FGF14: variants seen among roughly 807,000 people sequenced by gnomAD.
The protein encoded by FGF14 is fibroblast growth factor homologous factor 4.
In FGF14, 5 loss-of-function variants were observed where a neutral mutation model predicts 25.5. That is an observed-to-expected ratio of 0.20 (90% confidence interval 0.10 to 0.41). The LOEUF (loss-of-function observed/expected upper bound fraction) is 0.41, where lower values mean the gene tolerates loss of function less well. FGF14 is among the 10% of genes least tolerant of loss of function. The pLI is 1.00. For synonymous variants in FGF14, 138 were observed against 118.3 expected (o/e 1.17, Z -1.08); for missense variants, 222 against 320.1 (o/e 0.69, Z 2.34).
intron 1 of FGF14, among the ~76,000 whole-genome samples, chr13:102,180,253 T>A (rs1305899294): frequency 1.3e-5 from 2 of 152,180 alleles, no homozygotes; most frequent in Non-Finnish European, 2.9e-5. Flanking sequence ...GTCATTTCCA[T>A]GCTATAATTC....
chr13:101,981,293 T>A (rs2038245958), intron 1 of FGF14, among the ~76,000 whole-genome samples: 1 of 151,710 alleles, frequency 6.6e-6, no homozygotes, highest in African/African-American at 2.4e-5. Flanking sequence ...AAAATAAAAA[T>A]AAAAGAGGCC....
intron 2 of FGF14, among the ~76,000 whole-genome samples, chr13:101,874,613 T>A (rs2045291699): frequency 6.6e-6 from 1 of 152,106 alleles, no homozygotes; most frequent in Non-Finnish European, 1.5e-5. Context: ...ATGTGTAGCT[T>A]TTTAATTAAA....
chr13:102,139,598 G>A (rs189029928), intron 1 of FGF14, among the ~76,000 whole-genome samples: 3 of 152,050 alleles, frequency 2.0e-5, no homozygotes, highest in Non-Finnish European at 2.9e-5. Context: ...TGCTGTGGAG[G>A]GGGGGATGGC....
chr13:102,386,425 C>T (rs1157495447), intron 1 of FGF14, among the ~76,000 whole-genome samples: 2 of 152,110 alleles, frequency 1.3e-5, no homozygotes, highest in Non-Finnish European at 2.9e-5. Context: ...AGCCATCGCG[C>T]CTGGCCCCTA....
chr13:102,329,212 C>T (rs2056559136), intron 1 of FGF14, among the ~76,000 whole-genome samples: 1 of 152,116 alleles, frequency 6.6e-6, no homozygotes, highest in South Asian at 2.1e-4. Context: ...TAGTACAACC[C>T]ACTATTTGAT....
intron 3 of FGF14, among the ~76,000 whole-genome samples, chr13:101,788,905 TATATAGAGAG>T (rs1301562024): frequency 6.0e-3 from 195 of 32,766 alleles, no homozygotes; most frequent in East Asian, 0.012. Flanking sequence ...TATATATATA[TATATAGAGAG>T]AGAGAGAGAG....
intron 3 of FGF14, among the ~76,000 whole-genome samples, chr13:101,802,733 G>T (rs114644916): frequency 0.012 from 1,867 of 152,276 alleles, 39 homozygotes; most frequent in African/African-American, 0.043. Flanking sequence ...TGTGCACTTT[G>T]CTGTTTGCAT....
intron 3 of FGF14, among the ~76,000 whole-genome samples, chr13:101,746,765 G>T (rs1430174601): frequency 6.6e-6 from 1 of 151,952 alleles, no homozygotes; most frequent in African/African-American, 2.4e-5. Flanking sequence ...AGTCAGTGTT[G>T]TCCAATGTGA....
At chr13:102,187,027 C>G (rs2048905267) in intron 1 of FGF14, among the ~76,000 whole-genome samples, 1 of 152,122 alleles carries the variant, frequency 6.6e-6, no homozygotes, top group African/African-American at 2.4e-5. Flanking sequence ...ATATGGAGCA[C>G]AAATAGGCAC....
At chr13:101,923,166 G>A (rs560840258) in intron 1 of FGF14, among the ~76,000 whole-genome samples, 4 of 151,976 alleles carry the variant, frequency 2.6e-5, no homozygotes, top group Admixed American at 2.0e-4. Context: ...AAAATATGAC[G>A]TGTACTTGAT....
intron 1 of FGF14, among the ~76,000 whole-genome samples, chr13:102,005,318 A>G (rs557741838): frequency 6.6e-6 from 1 of 152,210 alleles, no homozygotes; most frequent in Non-Finnish European, 1.5e-5. Context: ...TTGCTCTTGA[A>G]TTACAGCATT....
intron 1 of FGF14, among the ~76,000 whole-genome samples, chr13:102,195,698 T>TAGCC (rs1261150602): frequency 6.7e-6 from 1 of 149,470 alleles, no homozygotes; most frequent in Non-Finnish European, 1.5e-5. Flanking sequence ...AGGCTGAGGC[T>TAGCC]GGTGGATCAC....
chr13:102,219,597 TC>T (rs2050520638), intron 1 of FGF14, among the ~76,000 whole-genome samples: 1 of 152,210 alleles, frequency 6.6e-6, no homozygotes, highest in Non-Finnish European at 1.5e-5. Flanking sequence ...CTTTTTAACT[TC>T]CTCCTGAAAT....
chr13:101,997,673 C>G (rs1262786157), intron 1 of FGF14, among the ~76,000 whole-genome samples: 1 of 152,106 alleles, frequency 6.6e-6, no homozygotes, highest in African/African-American at 2.4e-5. Context: ...ACACTGAAAA[C>G]CACTGCATTA....
chr13:101,963,439 T>TG, intron 1 of FGF14, among the ~76,000 whole-genome samples: 1 of 152,296 alleles, frequency 6.6e-6, no homozygotes, highest in Middle Eastern at 3.4e-3. Context: ...CTGACATTTG[T>TG]GGGGCACTCA....
intron 4 of FGF14, among the ~76,000 whole-genome samples, chr13:101,723,654 T>C (rs1258614172): frequency 6.6e-6 from 1 of 152,052 alleles, no homozygotes; most frequent in Non-Finnish European, 1.5e-5. Flanking sequence ...ATTGACATGA[T>C]ACAGGGGCAG....
At chr13:102,167,168 A>G (rs188947327) in intron 1 of FGF14, among the ~76,000 whole-genome samples, 1 of 151,998 alleles carries the variant, frequency 6.6e-6, no homozygotes, top group East Asian at 1.9e-4. Context: ...AAACTAAAAA[A>G]TTTTTGTAAA....
rs981810327 is a variant in FGF14, at chr13:101,719,396, T to C, written c.*3435A>G. On this transcript the variant is annotated 3_prime_UTR_variant, in exon 5 of 5. Transcript: ENST00000376143. ...ATCGTGGATCTCTTTAAGCCACTGC[T>C]ACCCAAAAACATTCAGGACAAGCAA... 1 of 151,954 alleles carries C rather than the reference T, an allele frequency of 6.6e-6. No homozygotes were observed. Among genetic ancestry groups the C allele is most frequent in the African/African-American group, 2.4e-5 (1 of 41,376 alleles). 9.4% of individuals were successfully genotyped at this position (151,954 alleles called of 1,614,324 possible). A position where few individuals can be genotyped will look rare whatever the true frequency, so the allele number is the denominator to read the frequency against.
intron 1 of FGF14, among the ~76,000 whole-genome samples, chr13:102,094,659 A>C (rs889922005): frequency 2.0e-5 from 3 of 152,188 alleles, no homozygotes; most frequent in Non-Finnish European, 4.4e-5. Flanking sequence ...GCTAACTCCC[A>C]AGCCTTGAAG....
Sources: gnomAD v4.1 joint callset for allele counts (sites outside exome capture counted in the v4.1 genomes callset) on GRCh38, gnomAD v4.1.1 for gene constraint, MANE v1.5 for transcripts, NCBI Gene and HGNC (gene_info 2026-07-23, HGNC 2026-07-21) for gene names.